FAF1: variants seen among roughly 807,000 people sequenced by gnomAD.
FAF1 encodes the protein FAS-associated factor 1.
Under a neutral mutation model 92.5 loss-of-function variants are expected in FAF1, and 25 were observed. The ratio of observed to expected loss-of-function variants is 0.27; its 90% CI spans 0.20 to 0.38. FAF1 has a LOEUF of 0.38. Ranked by LOEUF, FAF1 falls within the 10% of genes least tolerant of loss-of-function variation. The probability of loss-of-function intolerance (pLI) is 1.00; values close to 1 mark genes in which losing one functional copy is unlikely to be tolerated. For missense variants in FAF1, 636 were observed against 793.3 expected (o/e 0.80, Z 2.38); for synonymous variants, 234 against 273.2 (o/e 0.86, Z 1.42).
intron 1 of FAF1, among the ~76,000 whole-genome samples, chr1:50,859,371 C>T (rs1333239219): frequency 6.6e-6 from 1 of 151,752 alleles, no homozygotes; most frequent in Non-Finnish European, 1.5e-5. Context: ...ACCCTAAAGA[C>T]TGCAAAAAGG....
rs1646629811 is a variant in FAF1 at position 50,475,644 on chromosome 1, A to G, written c.1689T>C (p.Pro563=). ...GCTCAGCATTTTCTTCCTTTGGCTC[A>G]GGAGGCAGGGCTTGCTCTAAGGACA... is the stretch of plus-strand genomic sequence containing the variant. ...IRLSLEQALP[P]EPKEENAEPV... The change falls in exon 18 of 19, where the codon CCT becomes CCC. Residue 563 remains proline (P), a synonymous_variant. Transcript: ENST00000396153. 6.2e-7 allele frequency: 1 copy of G among 1,613,908 alleles called. No homozygotes were observed. The highest frequency in any genetic ancestry group is 1.3e-5 in the African/African-American group (1 of 74,920).
Position 50,836,170 on chromosome 1 carries a change from G to GTTTTTTTTTTTTTTTTTTTTTTTTTTT in FAF1, c.114+21758_114+21759insAAAAAAAAAAAAAAAAAAAAAAAAAAA, listed in dbSNP as rs36053491. On this transcript the variant is annotated intron_variant, in intron 2 of 18. Coordinates refer to ENST00000396153, the MANE Select transcript of FAF1 (RefSeq NM_007051.3). ...GTGTGTGTTTTTGTTTTTTGTTTCT[G>GTTTTTTTTTTTTTTTTTTTTTTTTTTT]TTTTTTTTTTTTTTTTTTTAGACAG... 3.6e-4 allele frequency among the ~76,000 whole-genome samples: 35 copies of GTTTTTTTTTTTTTTTTTTTTTTTTTTT among 98,524 alleles called. 6 individuals are homozygous for GTTTTTTTTTTTTTTTTTTTTTTTTTTT. Among genetic ancestry groups the GTTTTTTTTTTTTTTTTTTTTTTTTTTT allele is most frequent in the African/African-American group, 7.7e-4 (18 of 23,446 alleles). 64.6% of individuals were successfully genotyped at this position (98,524 alleles called of 152,430 possible).
At chr1:50,693,998 A>G (rs1257587212) in intron 7 of FAF1, among the ~76,000 whole-genome samples, 1 of 131,006 alleles carries the variant, frequency 7.6e-6, no homozygotes, top group Non-Finnish European at 1.7e-5. Context: ...TATATGTGTC[A>G]TTATATATAT....
chr1:50,893,581 G>T (rs1456554136), intron 1 of FAF1, among the ~76,000 whole-genome samples: 4 of 152,098 alleles, frequency 2.6e-5, no homozygotes, highest in African/African-American at 9.7e-5. Context: ...TGGAGCTGGG[G>T]GTGGGGTGAC....
intron 1 of FAF1, among the ~76,000 whole-genome samples, chr1:50,944,705 G>C (rs1645160274): frequency 6.6e-6 from 1 of 152,176 alleles, no homozygotes; most frequent in African/African-American, 2.4e-5. Flanking sequence ...AATTCAACAA[G>C]AGAATCTAGG....
chr1:50,604,022 T>G (rs1185297510), intron 8 of FAF1, among the ~76,000 whole-genome samples: 1 of 152,208 alleles, frequency 6.6e-6, no homozygotes, highest in Non-Finnish European at 1.5e-5. Context: ...TTACAAGTTC[T>G]CAGGCTTTTT....
chr1:50,575,172 T>G (rs1039974618), intron 12 of FAF1, among the ~76,000 whole-genome samples: 2 of 152,192 alleles, frequency 1.3e-5, no homozygotes, highest in Non-Finnish European at 2.9e-5. Flanking sequence ...CCTCCCAAAG[T>G]GCTGGGATTA....
rs747935047 is a variant in FAF1 at position 50,441,130 on chromosome 1, G to A, written c.*310C>T. 7 of 251,736 alleles carry A rather than the reference G, an allele frequency of 2.8e-5. No homozygotes were observed. Among genetic ancestry groups the A allele is most frequent in the Non-Finnish European group, 5.3e-5 (7 of 132,572 alleles). The allele number at this position is 251,736 out of a possible 1,614,324, so 15.6% of individuals were successfully genotyped here. The stretch of plus-strand genomic sequence containing the variant: ...TGGGGAAAAGATGGGCACTGGAGAG[G>A]TAAAAATTCTATTTAGTGATCACTC... On this transcript the variant is annotated 3_prime_UTR_variant, in exon 19 of 19. Transcript: ENST00000396153.
intron 8 of FAF1, among the ~76,000 whole-genome samples, chr1:50,619,399 C>A (rs1188724867): frequency 2.0e-5 from 3 of 152,158 alleles, no homozygotes; most frequent in Non-Finnish European, 2.9e-5. Context: ...GTTTAGTACT[C>A]CCAGAAGGAC....
chr1:50,663,498 G>T (rs1019341856), intron 7 of FAF1, among the ~76,000 whole-genome samples: 1 of 150,344 alleles, frequency 6.7e-6, no homozygotes, highest in Non-Finnish European at 1.5e-5. Context: ...CGCCTCCCAG[G>T]TTCAAGCGAT....
intron 6 of FAF1, among the ~76,000 whole-genome samples, chr1:50,727,943 T>A (rs929234005): frequency 3.9e-5 from 6 of 152,140 alleles, no homozygotes; most frequent in Admixed American, 1.3e-4. Context: ...ACTTTTAAGG[T>A]TTTGGGACTC....
At chr1:50,664,064 C>A (rs2124320654) in intron 7 of FAF1, among the ~76,000 whole-genome samples, 1 of 143,236 alleles carries the variant, frequency 7.0e-6, no homozygotes, top group Admixed American at 7.3e-5. Flanking sequence ...GTGACGCGAT[C>A]TTGGCTCACT....
rs571223455 is a variant in FAF1 at position 50,523,374 on chromosome 1, C to T, written c.1494+11995G>A. Among the ~76,000 whole-genome samples, 37 of 152,290 alleles carry T rather than the reference C, an allele frequency of 2.4e-4. 1 individual carries two copies. The highest frequency in any genetic ancestry group is 8.2e-4 in the African/African-American group (34 of 41,552). On this transcript the variant is annotated intron_variant, in intron 15 of 18. Coordinates refer to ENST00000396153, the MANE Select transcript of FAF1 (RefSeq NM_007051.3). ...CCATAGCAGCTGCCATTTTACATCC[C>T]AATCAGCAATGTACAAGGGTTCTAA...
At chr1:50,836,816 T>A (rs1471704902) in intron 2 of FAF1, among the ~76,000 whole-genome samples, 1 of 152,140 alleles carries the variant, frequency 6.6e-6, no homozygotes, top group Non-Finnish European at 1.5e-5. Flanking sequence ...AGAATAAGGA[T>A]ATTCTCTTTA....
intron 2 of FAF1, among the ~76,000 whole-genome samples, chr1:50,804,674 TAA>T (rs1238949020): frequency 1.3e-5 from 2 of 152,190 alleles, no homozygotes; most frequent in Admixed American, 6.5e-5. Flanking sequence ...GTGAAAAGCA[TAA>T]AGACAGAAAC....
At chr1:50,900,503 T>C (rs1011475340) in intron 1 of FAF1, among the ~76,000 whole-genome samples, 7 of 152,152 alleles carry the variant, frequency 4.6e-5, no homozygotes, top group Non-Finnish European at 8.8e-5. Context: ...GCAAAGAGCA[T>C]AGGCTTTGGA....
intron 1 of FAF1, among the ~76,000 whole-genome samples, chr1:50,880,716 G>A (rs958197202): frequency 2.6e-5 from 4 of 152,178 alleles, no homozygotes; most frequent in East Asian, 3.9e-4. Flanking sequence ...CCCAGTGTAC[G>A]ATATTGTTAC....
At chr1:50,472,150 C>CT (rs1646581076) in intron 18 of FAF1, among the ~76,000 whole-genome samples, 1 of 151,882 alleles carries the variant, frequency 6.6e-6, no homozygotes. Flanking sequence ...ATCCCTTACT[C>CT]TAACTCAGAG....
intron 6 of FAF1, among the ~76,000 whole-genome samples, chr1:50,708,750 T>A (rs1657795564): frequency 6.6e-6 from 1 of 152,082 alleles, no homozygotes; most frequent in Non-Finnish European, 1.5e-5. Context: ...AGGAGATTGA[T>A]AAATCATCAG....
Sources: gnomAD v4.1 joint callset for allele counts (sites outside exome capture counted in the v4.1 genomes callset) on GRCh38, gnomAD v4.1.1 for gene constraint, MANE v1.5 for transcripts, NCBI Gene and HGNC (gene_info 2026-07-23, HGNC 2026-07-21) for gene names.